Variants in EPHB4 observed in about 807,000 individuals in gnomAD.
EPHB4 encodes EPH receptor B4.
A neutral mutation model predicts 110.6 loss-of-function variants in EPHB4; 50 were observed. That is an observed-to-expected ratio of 0.45 (90% CI 0.36 to 0.57). The LOEUF is 0.57. EPHB4 is among the 20% of genes least tolerant of loss of function. The probability of loss-of-function intolerance (pLI) is 0.00; values close to 1 mark genes in which losing one functional copy is unlikely to be tolerated. For synonymous variants in EPHB4, 592 were observed against 578.4 expected (o/e 1.02, Z -0.34); for missense variants, 1,128 against 1,382.1 (o/e 0.82, Z 2.91).
chr7:100,809,293 G>A (rs314354), intron 12 of EPHB4, among the ~76,000 whole-genome samples: 34,913 of 151,886 alleles, frequency 0.23, 4,411 homozygotes, highest in Middle Eastern at 0.36. Context: ...TTTTAGTACA[G>A]ACAGGGTTTC....
chr7:100,815,312 G>T (rs2116438643), intron 8 of EPHB4, among the ~76,000 whole-genome samples: 2 of 151,994 alleles, frequency 1.3e-5, no homozygotes, highest in African/African-American at 4.8e-5. Flanking sequence ...GACAGAGCGA[G>T]ACCCTGTTTC....
Position 100,822,224 on chromosome 7 carries a change from C to T in EPHB4, c.808+47G>A. The T allele has an allele frequency of 6.5e-7, 1 of 1,528,166 alleles. No individual in the cohort carries two copies. The highest frequency in any genetic ancestry group is 8.8e-7 in the Non-Finnish European group (1 of 1,138,542). 94.7% of individuals were successfully genotyped at this position (1,528,166 alleles called of 1,614,324 possible). A position where few individuals can be genotyped will look rare whatever the true frequency, so the allele number is the denominator to read the frequency against. On this transcript the variant is annotated intron_variant, in intron 4 of 16. Transcript: ENST00000358173. This position sits in a 1 kb window ranked among gnomAD's most constrained non-coding sequence, Gnocchi z 4.7. Reference sequence around the variant, plus strand: ...AGTGGGTCCTGAGTGGAGTTCAGGACTCTCCCCCGGATGAGCAGCAGTCGC... The same window carrying T: ...AGTGGGTCCTGAGTGGAGTTCAGGATTCTCCCCCGGATGAGCAGCAGTCGC...
At chr7:100,824,100 G>A (rs558242397) in intron 2 of EPHB4, 103 bp downstream of exon 2, 2 of 1,554,950 alleles carry the variant, frequency 1.3e-6, no homozygotes, top group South Asian at 2.3e-5. Flanking sequence ...CTGTCATCTG[G>A]GGGGACAGGG....
chr7:100,817,079 T>C (rs1427828834), intron 8 of EPHB4, 113 bp downstream of exon 8: 12 of 880,102 alleles, frequency 1.4e-5, no homozygotes, highest in Admixed American at 6.8e-5. Context: ...CAAGACTCCA[T>C]CTCAAAAAAA....
rs200488259 is a variant in EPHB4, at chr7:100,826,964, C to CCA, written c.52+14_52+15insTG. The CCA allele has an allele frequency of 2.1e-6, 3 of 1,441,856 alleles. No individual in the cohort carries two copies. The highest frequency in any genetic ancestry group is 3.3e-5 in the African/African-American group (2 of 61,158). 89.3% of individuals were successfully genotyped at this position (1,441,856 alleles called of 1,614,324 possible). A position where few individuals can be genotyped will look rare whatever the true frequency, so the allele number is the denominator to read the frequency against. On this transcript the variant is annotated intron_variant, in intron 1 of 16. Transcript: ENST00000358173. ...AGGAGTGACGGGGTGCGCCCCCCCCCGCAAGGAAACTCACCTTCCAAAGCT... is the reference window on the plus strand; with the variant it reads ...AGGAGTGACGGGGTGCGCCCCCCCCCCAGCAAGGAAACTCACCTTCCAAAGCT...
At chr7:100,814,278 AT>A (rs1466859283) in intron 8 of EPHB4, among the ~76,000 whole-genome samples, 1 of 152,134 alleles carries the variant, frequency 6.6e-6, no homozygotes, top group African/African-American at 2.4e-5. Context: ...TGCCAGAGTA[AT>A]TTTTTGTTTG....
rs746615834 is a variant in EPHB4 at position 100,822,278 on chromosome 7, C to T, written c.801G>A (p.Lys267=). 4.1e-5 allele frequency: 64 copies of T among 1,560,738 alleles called. No individual in the cohort carries two copies. Among genetic ancestry groups the T allele is most frequent in the Non-Finnish European group, 5.6e-5 (64 of 1,151,802 alleles). The change falls in exon 4 of 17, where the codon AAG becomes AAA. Residue 267 remains lysine (K), a synonymous_variant. Transcript: ENST00000358173. The surrounding 1 kb of genome is among the most constrained non-coding windows in gnomAD (Gnocchi z 4.7). The part of the protein sequence containing the change: ...PGFEAAEGNT[K]CRACAQGTFK... ...GGAAGCTCCAGCTCTCACCTCGGCA[C>T]TTGGTGTTCCCCTCAGCTGCCTCGA...
intron 14 of EPHB4, 114 bp from the exon 15 acceptor site, chr7:100,805,808 A>G (rs1160271425): frequency 9.7e-7 from 1 of 1,033,386 alleles, no homozygotes; most frequent in Non-Finnish European, 1.3e-6. Flanking sequence ...AGCCCCCCAA[A>G]AAATAACAGA....
intron 14 of EPHB4, chr7:100,806,020 C>T (rs113378847): frequency 0.011 from 3,403 of 299,308 alleles, 109 homozygotes; most frequent in African/African-American, 0.068. Flanking sequence ...AAAGCAATGG[C>T]GTGATCTCAG....
chr7:100,827,083 C>G lies in EPHB4; in HGVS notation c.-53G>C, dbSNP rs1813426811. On this transcript the variant is annotated 5_prime_UTR_variant, in exon 1 of 17. Coordinates refer to ENST00000358173, the MANE Select transcript of EPHB4 (RefSeq NM_004444.5). ...AACTGAGTTTGGGGGGCCCTCGCCC[C>G]CCCAGGTCTGACTCTCCCTGGGCGG... 1 of 1,544,244 alleles carries G rather than the reference C, an allele frequency of 6.5e-7. No homozygotes were observed. Among genetic ancestry groups the G allele is most frequent in the Non-Finnish European group, 8.8e-7 (1 of 1,142,782 alleles).
Position 100,822,392 on chromosome 7 carries a change from G to T in EPHB4, c.687C>A (p.Pro229=). The change falls in exon 4 of 17, where the codon CCC becomes CCA. Residue 229 remains proline, a synonymous_variant. Transcript: ENST00000358173. The surrounding 1 kb of genome is among the most constrained non-coding windows in gnomAD (Gnocchi z 4.7). The part of the protein sequence containing the change: ...VAGSCVVDAV[P]APGPSPSLYC... ...AGAGGCTGGGGCTGGGGCCAGGGGC[G>T]GGGACGGCATCCACCACGCAGCTAC... 1 of 1,574,656 alleles carries T rather than the reference G, an allele frequency of 6.4e-7. No homozygotes were observed. The highest frequency in any genetic ancestry group is 2.3e-5 in the East Asian group (1 of 43,328).
At chr7:100,804,289 C>T (rs1307520758) in intron 16 of EPHB4, among the ~76,000 whole-genome samples, 5 of 150,962 alleles carry the variant, frequency 3.3e-5, no homozygotes, top group Non-Finnish European at 1.5e-5. Context: ...GCGTGAGCCA[C>T]CACCTGGCCT....
In EPHB4 at chr7:100,813,666, T is replaced by C. The variant is rs1370137843; in HGVS notation, c.1742A>G (p.Tyr581Cys). 2 of 1,613,984 alleles carry C rather than the reference T, an allele frequency of 1.2e-6. No homozygotes were observed. Among genetic ancestry groups the C allele is most frequent in the Non-Finnish European group, 8.5e-7 (1 of 1,180,024 alleles). Residue 581 changes from tyrosine (Y) to cysteine (C), a missense_variant, in exon 10 of 17, where the codon TAT becomes TGT. Physicochemically the swap from Tyr to Cys is radical, Grantham distance 194. Around this residue, in one of 3 missense-constraint regions of EPHB4, gnomAD observed 728 missense variants for 828.6 expected, o/e 0.88. Coordinates refer to ENST00000358173, the MANE Select transcript of EPHB4 (RefSeq NM_004444.5). ...EAEYSDKHGQ[Y>C]LIGHGTKVYI... Reference sequence around the variant, plus strand: ...GGGCAACCCACCATGTCCGATGAGATACTGTCCGTGTTTGTCCGAATATTC... The same window carrying C: ...GGGCAACCCACCATGTCCGATGAGACACTGTCCGTGTTTGTCCGAATATTC...
intron 8 of EPHB4, among the ~76,000 whole-genome samples, chr7:100,815,383 A>G (rs314361): frequency 0.39 from 58,656 of 152,004 alleles, 13,357 homozygotes; most frequent in Middle Eastern, 0.68. Context: ...TACAACATAC[A>G]TAAACCTTGA....
chr7:100,814,518 A>T (rs936936822), intron 8 of EPHB4, among the ~76,000 whole-genome samples: 2 of 152,180 alleles, frequency 1.3e-5, no homozygotes, highest in Non-Finnish European at 2.9e-5. Flanking sequence ...AGGCATGCCC[A>T]GCCGCCAGAG....
intron 3 of EPHB4, 107 bp downstream of exon 3, chr7:100,823,535 AGC>A: frequency 7.2e-7 from 1 of 1,393,946 alleles, no homozygotes; most frequent in Non-Finnish European, 9.6e-7. Flanking sequence ...TCCAGCCCCC[AGC>A]GCGCGGGCCA....
chr7:100,825,167 A>C (rs1275371481), intron 1 of EPHB4: 1 of 152,040 alleles, frequency 6.6e-6, no homozygotes, highest in Non-Finnish European at 1.5e-5. Flanking sequence ...CTCCCACCCC[A>C]TGGGAGCTGC....
chr7:100,803,353 G>A lies in EPHB4; in HGVS notation c.*108C>T. On this transcript the variant is annotated 3_prime_UTR_variant, in exon 17 of 17. Transcript: ENST00000358173. ...CAAATTGCCAACTCCTCACCCCACG[G>A]GCTCAAAGTGCAATCCAGCGGGGCA... 7.7e-7 allele frequency: 1 copy of A among 1,302,826 alleles called. No individual in the cohort carries two copies. Among genetic ancestry groups the A allele is most frequent in the Non-Finnish European group, 1.0e-6 (1 of 1,000,340 alleles). The allele number at this position is 1,302,826 out of a possible 1,614,324, so 80.7% of individuals were successfully genotyped here.
In EPHB4 at chr7:100,807,392, A is replaced by C. The variant is rs762159059; in HGVS notation, c.2307T>G (p.Ser769=). The C allele has an allele frequency of 6.2e-7, 1 of 1,613,844 alleles. No individual in the cohort carries two copies. The highest frequency in any genetic ancestry group is 8.5e-7 in the Non-Finnish European group (1 of 1,179,950). The part of the protein sequence containing the change: ...FGLSRFLEEN[S]SDPTYTSSLG... ...GGGAGCTCGTGTAGGTGGGATCGGA[A>C]GAGTTCTCCTCCAGGAATCGGGAAA... Residue 769 remains serine (S), a synonymous_variant, in exon 13 of 17, where the codon TCT becomes TCG. Transcript: ENST00000358173.
Sources: allele counts gnomAD v4.1 joint callset (sites outside exome capture counted in the v4.1 genomes callset), GRCh38; gene constraint gnomAD v4.1.1; regional missense constraint gnomAD v4.1.1; non-coding constraint Gnocchi (gnomAD v3.1); transcripts MANE v1.5; gene names NCBI Gene and HGNC (gene_info 2026-07-23, HGNC 2026-07-21).